The following CYRIB variants were observed in gnomAD, a reference collection of about 807,000 sequenced individuals.
CYRIB encodes the protein CYFIP related Rac1 interactor B.
A neutral mutation model predicts 44.2 loss-of-function variants in CYRIB; 8 were observed. The ratio of observed to expected loss-of-function variants is 0.18; its 90% CI spans 0.11 to 0.33. CYRIB has a LOEUF of 0.33. Ranked by LOEUF, CYRIB falls within the 10% of genes least tolerant of loss-of-function variation. The pLI is 1.00. For synonymous variants in CYRIB, 131 were observed against 127.2 expected (o/e 1.03, Z -0.20); for missense variants, 185 against 382.8 (o/e 0.48, Z 4.31).
chr8:129,905,379 C>T (rs961939351), intron 1 of CYRIB, among the ~76,000 whole-genome samples: 2 of 152,224 alleles, frequency 1.3e-5, no homozygotes, highest in Admixed American at 6.5e-5. Flanking sequence ...CACCATTCCC[C>T]GCTAATTTTT....
At chr8:129,943,107 C>G (rs1008407798), upstream of CYRIB, among the ~76,000 whole-genome samples, 1 of 128,926 alleles carries the variant, frequency 7.8e-6, no homozygotes, top group Non-Finnish European at 1.6e-5. Context: ...CGCACTGTGT[C>G]CTAGGCATCA....
intron 4 of CYRIB, chr8:129,864,720 G>T: frequency 3.1e-6 from 1 of 322,478 alleles, no homozygotes; most frequent in Non-Finnish European, 6.0e-6. Context: ...GTCCTTTATG[G>T]TGGTAATCTG....
At chr8:129,859,469 C>T (rs1382479922) in intron 5 of CYRIB, among the ~76,000 whole-genome samples, 2 of 152,030 alleles carry the variant, frequency 1.3e-5, no homozygotes, top group South Asian at 2.1e-4. Context: ...TAAACTCCCC[C>T]GGGGAAAGGG....
At chr8:129,915,236 C>A (rs2080108375) in intron 1 of CYRIB, among the ~76,000 whole-genome samples, 1 of 152,180 alleles carries the variant, frequency 6.6e-6, no homozygotes. Flanking sequence ...CTGCAAGCAA[C>A]CCAAATGTTC....
intron 2 of CYRIB, among the ~76,000 whole-genome samples, chr8:129,901,267 G>C (rs2071675524): frequency 6.6e-6 from 1 of 152,072 alleles, no homozygotes; most frequent in Non-Finnish European, 1.5e-5. Flanking sequence ...CTGTTGCCCA[G>C]GCTGGAGTGC....
upstream of CYRIB, among the ~76,000 whole-genome samples, chr8:129,942,556 A>G (rs767536545): frequency 1.3e-5 from 2 of 152,330 alleles, no homozygotes; most frequent in South Asian, 2.1e-4. Context: ...TTCTTCTATA[A>G]TCCTTTCTTC....
intron 1 of CYRIB, among the ~76,000 whole-genome samples, chr8:129,925,547 C>T (rs970656716): frequency 3.3e-5 from 5 of 152,194 alleles, no homozygotes; most frequent in Admixed American, 2.6e-4. Context: ...CTTATACCTA[C>T]TCTTTTGGGT....
chr8:129,871,395 C>A, exon 4 of CYRIB: 2 of 1,606,820 alleles, frequency 1.2e-6, no homozygotes, highest in Non-Finnish European at 1.7e-6. Flanking sequence ...TCGTGGCCAG[C>A]TCCTCTGTAT....
At chr8:129,914,156 T>G (rs184990322) in intron 1 of CYRIB, among the ~76,000 whole-genome samples, 2 of 152,124 alleles carry the variant, frequency 1.3e-5, no homozygotes, top group Non-Finnish European at 2.9e-5. Context: ...ACTTTTTTTT[T>G]AAATGGGCAA....
At chr8:129,857,241 C>T (rs2046675705) in intron 5 of CYRIB, among the ~76,000 whole-genome samples, 1 of 152,092 alleles carries the variant, frequency 6.6e-6, no homozygotes, top group African/African-American at 2.4e-5. Flanking sequence ...CAAATGATTA[C>T]AGCTGTGATA....
rs1205123225 is a variant in CYRIB at position 129,997,083 on chromosome 8, AGGG to A, written c.-296+19284_-296+19286del. ...GAGGGAGGGAGGGAGGGAGGGAGGG[AGGG>A]AAGGAGGGAGGGAAGGAAGGAAGGA... On this transcript the variant is annotated intron_variant, in intron 1 of 14. Transcript: ENST00000401979. Among the ~76,000 whole-genome samples, 13 of 108,152 alleles carry A rather than the reference AGGG, an allele frequency of 1.2e-4. No homozygotes were observed. In the East Asian group the frequency reaches 3.7e-3, roughly 31 times the overall value. 71.0% of individuals were successfully genotyped at this position (108,152 alleles called of 152,430 possible). A position where few individuals can be genotyped will look rare whatever the true frequency, so the allele number is the denominator to read the frequency against.
intron 1 of CYRIB, among the ~76,000 whole-genome samples, chr8:129,918,251 T>C (rs561466355): frequency 1.4e-4 from 22 of 152,258 alleles, no homozygotes; most frequent in African/African-American, 5.1e-4. Flanking sequence ...CAATCCCAGA[T>C]TGAGAAACTT....
At chr8:129,922,734 G>A (rs1435743571) in intron 1 of CYRIB, among the ~76,000 whole-genome samples, 1 of 151,838 alleles carries the variant, frequency 6.6e-6, no homozygotes, top group African/African-American at 2.4e-5. Flanking sequence ...ATGGTGGCAG[G>A]TGCCTGTAGT....
chr8:129,991,968 A>AG (rs1397960023), intron 1 of CYRIB, among the ~76,000 whole-genome samples: 1 of 139,862 alleles, frequency 7.1e-6, no homozygotes, highest in Non-Finnish European at 1.6e-5. Context: ...AAAAAAAAAA[A>AG]AAAACAATAG....
At chr8:129,968,304 T>G (rs1448839272) in intron 2 of CYRIB, among the ~76,000 whole-genome samples, 1 of 152,246 alleles carries the variant, frequency 6.6e-6, no homozygotes, top group African/African-American at 2.4e-5. Flanking sequence ...GATTTCAATT[T>G]TAATGATTAT....
rs1331564161 is a variant in CYRIB at position 129,844,511 on chromosome 8, AAAG to A, written c.911+2290_911+2292del. ...ATTTACCTTTACTCTTAAATTTAAT[AAAG>A]AAGACAATTATCTACTACTGAATCT... On this transcript the variant is annotated intron_variant, in intron 11 of 11. Coordinates refer to ENST00000519824, the Ensembl canonical transcript of CYRIB. 9.2e-5 allele frequency: 14 copies of A among 152,372 alleles called. No homozygotes were observed. The East Asian group carries it at 2.7e-3, about 29-fold the overall frequency. The allele number at this position is 152,372 out of a possible 1,614,324, so 9.4% of individuals were successfully genotyped here. A position where few individuals can be genotyped will look rare whatever the true frequency, so the allele number is the denominator to read the frequency against.
chr8:129,908,876 T>C (rs994585993), intron 1 of CYRIB, among the ~76,000 whole-genome samples: 4 of 152,212 alleles, frequency 2.6e-5, no homozygotes, highest in Admixed American at 2.0e-4. Flanking sequence ...ATGATACATA[T>C]AAATCTTAAT....
intron 1 of CYRIB, among the ~76,000 whole-genome samples, chr8:129,980,615 G>T (rs868132280): frequency 1.3e-5 from 2 of 151,796 alleles, no homozygotes; most frequent in African/African-American, 4.8e-5. Flanking sequence ...AGTGAGCCAA[G>T]ATTGTGCCAC....
At chr8:129,978,802 C>T (rs13271197) in intron 1 of CYRIB, among the ~76,000 whole-genome samples, 40,769 of 152,164 alleles carry the variant, frequency 0.27, 5,683 homozygotes, top group East Asian at 0.39. Context: ...TACACACACA[C>T]ACACGTGCAT....
Sources: allele counts gnomAD v4.1 joint callset (sites outside exome capture counted in the v4.1 genomes callset), GRCh38; gene constraint gnomAD v4.1.1; transcripts MANE v1.5; gene names NCBI Gene and HGNC (gene_info 2026-07-23, HGNC 2026-07-21).